CPSF6: variants seen among roughly 807,000 people sequenced by gnomAD.
CPSF6 encodes cleavage and polyadenylation specificity factor subunit 6.
Under a neutral mutation model 56.7 loss-of-function variants are expected in CPSF6, and 10 were observed. The observed-to-expected ratio is 0.18, with a 90% CI of 0.11 to 0.30. The LOEUF (loss-of-function observed/expected upper bound fraction) is 0.30. Among genes scored for constraint, CPSF6 ranks in the 10% least tolerant of loss-of-function variants. CPSF6 has a pLI of 1.00. For missense variants in CPSF6, 419 were observed against 722.9 expected (o/e 0.58, Z 4.82); for synonymous variants, 248 against 244.8 (o/e 1.01, Z -0.12).
At chr12:69,259,203 A>T (rs889312253) in intron 6 of CPSF6, 109 bp downstream of exon 6, 5 of 1,335,308 alleles carry the variant, frequency 3.7e-6, no homozygotes, top group Non-Finnish European at 5.0e-6. Context: ...TTCCAAGAAG[A>T]TGAGGTGTTT....
At position 69,239,661 on chromosome 12, in the gene CPSF6, G is replaced by A. The variant is rs1393439048; in HGVS notation, c.15G>A (p.Val5=). 1.3e-6 allele frequency: 2 copies of A among 1,585,814 alleles called. No individual in the cohort carries two copies. The highest frequency in any genetic ancestry group is 1.7e-6 in the Non-Finnish European group (2 of 1,167,436). Residue 5 remains valine (V), a synonymous_variant, in exon 1 of 10, where the codon GTG becomes GTA. Coordinates refer to ENST00000435070, the MANE Select transcript of CPSF6 (RefSeq NM_007007.3). MADG[V]DHIDIYADVG... is the part of the protein sequence containing the mutation. Reference sequence around the variant, plus strand: ...GCTGAAGGAAGATGGCGGACGGCGTGGACCACATAGACATTTACGCGGATG... The same window carrying A: ...GCTGAAGGAAGATGGCGGACGGCGTAGACCACATAGACATTTACGCGGATG...
chr12:69,252,475 C>T (rs1312413632), intron 2 of CPSF6, among the ~76,000 whole-genome samples: 19 of 152,044 alleles, frequency 1.2e-4, no homozygotes, highest in Admixed American at 1.2e-3. Flanking sequence ...AGTATGGTTG[C>T]TAAGTAAGTA....
intron 9 of CPSF6, 87 bp downstream of exon 9, chr12:69,262,649 T>C (rs1592809074): frequency 7.7e-7 from 1 of 1,298,274 alleles, no homozygotes; most frequent in Non-Finnish European, 1.0e-6. Flanking sequence ...AGTATATACC[T>C]ACATTTTAAA....
chr12:69,260,249 G>T, intron 8 of CPSF6, 52 bp downstream of exon 8: 3 of 1,349,974 alleles, frequency 2.2e-6, no homozygotes, highest in Admixed American at 2.8e-5. Context: ...GTTTACAAAT[G>T]GAAAAAATAC....
chr12:69,245,651 G>A (rs1156817346), intron 1 of CPSF6, among the ~76,000 whole-genome samples: 1 of 152,062 alleles, frequency 6.6e-6, no homozygotes, highest in African/African-American at 2.4e-5. Context: ...TGAACTTTAG[G>A]GAAACTTACA....
At chr12:69,255,534 C>CGT (rs1446897436) in intron 3 of CPSF6, among the ~76,000 whole-genome samples, 19 of 152,040 alleles carry the variant, frequency 1.2e-4, no homozygotes, top group African/African-American at 4.6e-4. Context: ...AGTTTCTCCA[C>CGT]ATATTTATTT....
At chr12:69,257,319 G>GA (rs1295295078) in intron 4 of CPSF6, among the ~76,000 whole-genome samples, 2 of 152,190 alleles carry the variant, frequency 1.3e-5, no homozygotes, top group African/African-American at 4.8e-5. Flanking sequence ...TCTTTAAAGA[G>GA]ATGAGATGGA....
chr12:69,259,136 A>G, intron 6 of CPSF6, 42 bp downstream of exon 6: 1 of 1,547,142 alleles, frequency 6.5e-7, no homozygotes, highest in Non-Finnish European at 8.7e-7. Flanking sequence ...ATGATAAAAG[A>G]TAGGAACAAT....
chr12:69,273,220 C>G lies in CPSF6; in HGVS notation c.*3712C>G. The G allele has an allele frequency of 1.9e-6, 1 of 513,766 alleles. No individual in the cohort carries two copies. Among genetic ancestry groups the G allele is most frequent in the South Asian group, 1.5e-5 (1 of 67,508 alleles). The allele number at this position is 513,766 out of a possible 1,614,324, so 31.8% of individuals were successfully genotyped here. A position where few individuals can be genotyped will look rare whatever the true frequency, so the allele number is the denominator to read the frequency against. On this transcript the variant is annotated 3_prime_UTR_variant, in exon 10 of 10. Coordinates refer to ENST00000435070, the MANE Select transcript of CPSF6 (RefSeq NM_007007.3). ...AGCAATATGAATTTTTGTGAATATT[C>G]TAAATATTCAGGCAACACTGTTCAG...
At chr12:69,259,213 T>A in intron 6 of CPSF6, 119 bp downstream of exon 6, 1 of 1,289,644 alleles carries the variant, frequency 7.8e-7, no homozygotes, top group African/African-American at 1.5e-5. Flanking sequence ...ATGAGGTGTT[T>A]AAGCTGCTAC....
At position 69,239,691 on chromosome 12, in the gene CPSF6, C is replaced by T; in HGVS notation, c.45C>T (p.Gly15=). The change falls in exon 1 of 10, where the codon GGC becomes GGT. Residue 15 remains glycine (G), a synonymous_variant. Coordinates refer to ENST00000435070, the MANE Select transcript of CPSF6 (RefSeq NM_007007.3). ...ACATAGACATTTACGCGGATGTCGGCGAAGAGTTCAACCAGGTACGTGAGA... is the reference window on the plus strand; with the variant it reads ...ACATAGACATTTACGCGGATGTCGGTGAAGAGTTCAACCAGGTACGTGAGA... The part of the protein sequence containing the change: ...VDHIDIYADV[G]EEFNQEAEYG... 1 of 1,590,966 alleles carries T rather than the reference C, an allele frequency of 6.3e-7. No individual in the cohort carries two copies. The highest frequency in any genetic ancestry group is 8.5e-7 in the Non-Finnish European group (1 of 1,169,594).
At position 69,272,679 on chromosome 12, in the gene CPSF6, C is replaced by A. The variant is rs1369916673; in HGVS notation, c.*3171C>A. 2.0e-5 allele frequency: 3 copies of A among 151,784 alleles called. No homozygotes were observed. The highest frequency in any genetic ancestry group is 7.2e-5 in the African/African-American group (3 of 41,408). The allele number at this position is 151,784 out of a possible 1,614,324, so 9.4% of individuals were successfully genotyped here. On this transcript the variant is annotated 3_prime_UTR_variant, in exon 10 of 10. Coordinates refer to ENST00000435070, the MANE Select transcript of CPSF6 (RefSeq NM_007007.3). ...TGACTGAGAATACAGTATTGAGATT[C>A]TCTGTTTTACAGATAACAACTGGTT...
chr12:69,252,171 C>A, intron 2 of CPSF6: 1 of 444,524 alleles, frequency 2.2e-6, no homozygotes, highest in Non-Finnish European at 4.5e-6. Flanking sequence ...AACTCCTGGG[C>A]TGAAGTGATT....
At chr12:69,264,088 CCT>C (rs1872866304) in intron 9 of CPSF6, among the ~76,000 whole-genome samples, 3 of 151,926 alleles carry the variant, frequency 2.0e-5, no homozygotes, top group South Asian at 2.1e-4. Context: ...ACTTTTTTCC[CCT>C]GAGTTAAATA....
chr12:69,257,828 G>C lies in CPSF6; in HGVS notation c.617G>C (p.Arg206Pro). The change falls in exon 5 of 10, where the codon CGT becomes CCT. Residue 206 changes from arginine to proline, a missense_variant. Coordinates refer to ENST00000435070, the MANE Select transcript of CPSF6 (RefSeq NM_007007.3). Reference sequence around the variant, plus strand: ...CCACAAGGTGGTAGAGGACGGGGCCGTTTTCCAGGGGCTGTTCCTGGTGGG... The same window carrying C: ...CCACAAGGTGGTAGAGGACGGGGCCCTTTTCCAGGGGCTGTTCCTGGTGGG... Reference protein sequence around the residue: ...AFPQGGRGRGRFPGAVPGGDR... With the variant: ...AFPQGGRGRGPFPGAVPGGDR... 6.2e-7 allele frequency: 1 copy of C among 1,613,020 alleles called. No homozygotes were observed. Among genetic ancestry groups the C allele is most frequent in the Non-Finnish European group, 8.5e-7 (1 of 1,179,720 alleles).
chr12:69,265,310 A>G (rs904099849), intron 9 of CPSF6, among the ~76,000 whole-genome samples: 2 of 152,196 alleles, frequency 1.3e-5, no homozygotes, highest in African/African-American at 4.8e-5. Context: ...TCAGTGCTTT[A>G]CGATTGTACA....
rs756846379 is a variant in CPSF6 at position 69,239,633 on chromosome 12, G to A, written c.-14G>A. The A allele has an allele frequency of 1.9e-6, 3 of 1,567,840 alleles. No individual in the cohort carries two copies. The highest frequency in any genetic ancestry group is 1.8e-5 in the Admixed American group (1 of 55,390). ...GGAGGCGGCGGCGGCGGCGGCGGCCGAGGCTGAAGGAAGATGGCGGACGGC... is the reference window on the plus strand; with the variant it reads ...GGAGGCGGCGGCGGCGGCGGCGGCCAAGGCTGAAGGAAGATGGCGGACGGC... On this transcript the variant is annotated 5_prime_UTR_variant, in exon 1 of 10. Transcript: ENST00000435070.
At chr12:69,252,212 C>A in intron 2 of CPSF6, 1 of 399,832 alleles carries the variant, frequency 2.5e-6, no homozygotes, top group Non-Finnish European at 4.9e-6. Context: ...TAGCTAGGAC[C>A]ACAGGCATGT....
Position 69,272,668 on chromosome 12 carries a change from G to A in CPSF6, c.*3160G>A, listed in dbSNP as rs764677811. 5 of 151,824 alleles carry A rather than the reference G, an allele frequency of 3.3e-5. No individual in the cohort carries two copies. Among genetic ancestry groups the A allele is most frequent in the Non-Finnish European group, 5.9e-5 (4 of 67,744 alleles). The allele number at this position is 151,824 out of a possible 1,614,324, so 9.4% of individuals were successfully genotyped here. A position where few individuals can be genotyped will look rare whatever the true frequency, so the allele number is the denominator to read the frequency against. On this transcript the variant is annotated 3_prime_UTR_variant, in exon 10 of 10. Coordinates refer to ENST00000435070, the MANE Select transcript of CPSF6 (RefSeq NM_007007.3). Reference sequence around the variant, plus strand: ...GTTCTAATTCTTGACTGAGAATACAGTATTGAGATTCTCTGTTTTACAGAT... The same window carrying A: ...GTTCTAATTCTTGACTGAGAATACAATATTGAGATTCTCTGTTTTACAGAT...
Sources: allele counts gnomAD v4.1 joint callset (sites outside exome capture counted in the v4.1 genomes callset), GRCh38; gene constraint gnomAD v4.1.1; transcripts MANE v1.5; gene names NCBI Gene and HGNC (gene_info 2026-07-23, HGNC 2026-07-21).